Variants in LYST observed in about 807,000 individuals in gnomAD.
LYST encodes the protein lysosomal trafficking regulator.
A neutral mutation model predicts 413.6 loss-of-function variants in LYST; 192 were observed. That is an observed-to-expected ratio of 0.46 (90% CI 0.41 to 0.52). The LOEUF (loss-of-function observed/expected upper bound fraction) is 0.52. Among genes scored for constraint, LYST ranks in the 20% least tolerant of loss-of-function variants. The pLI is 0.00. For missense variants in LYST, 3,815 were observed against 4,499.9 expected, an observed-to-expected ratio of 0.85 and a Z score of 4.35; for synonymous variants, 1,525 against 1,567.3, an observed-to-expected ratio of 0.97 and a Z score of 0.64.
intron 24 of LYST, 56 bp from the exon 25 acceptor site, chr1:235,755,703 T>C (rs1354843157): frequency 7.8e-6 from 7 of 898,208 alleles, no homozygotes; most frequent in Non-Finnish European, 1.1e-5. Flanking sequence ...ATATAATATA[T>C]ACAAATCAGT....
At chr1:235,882,710 G>A (rs1259803777) in intron 1 of LYST, among the ~76,000 whole-genome samples, 1 of 152,176 alleles carries the variant, frequency 6.6e-6, no homozygotes, top group African/African-American at 2.4e-5. Flanking sequence ...AGGCTGAAGG[G>A]TTAGGGAGGG....
At position 235,874,485 on chromosome 1, in the gene LYST, A is replaced by G. The variant is rs530761690; in HGVS notation, n.454+8702T>C. The stretch of plus-strand genomic sequence containing the variant: ...CCTGGGATCATAAAAAGCTTCTTGG[A>G]AAGCAGCCTCTAAACTTGAGACTTA... On this transcript the variant is annotated intron_variant and non_coding_transcript_variant, in intron 1 of 11. Coordinates refer to the LYST transcript ENST00000465349. Among the ~76,000 whole-genome samples the G allele has an allele frequency of 1.5e-3, 228 of 152,344 alleles. 1 individual carries two copies. The highest frequency in any genetic ancestry group is 5.4e-3 in the African/African-American group (223 of 41,584).
chr1:235,789,529 T>A (rs1051779318), intron 12 of LYST, among the ~76,000 whole-genome samples: 22 of 152,164 alleles, frequency 1.4e-4, no homozygotes, highest in Non-Finnish European at 3.1e-4. Context: ...TACATGTGAC[T>A]TTATGTAAAG....
rs777087362 is a variant in LYST, at chr1:235,801,080, C to T, written c.3730G>A (p.Glu1244Lys). The T allele has an allele frequency of 3.1e-6, 5 of 1,609,236 alleles. No homozygotes were observed. The highest frequency in any genetic ancestry group is 1.3e-5 in the African/African-American group (1 of 74,816). ...TQDDGVDLKS[E>K]TEGFSASSSP... ...CTTGATGCACTGAAACCTTCTGTTT[C>T]AGACTTTAAGTCTACCCCTGAAAAG... Residue 1244 changes from glutamate (E) to lysine (K), a missense_variant, in exon 9 of 53, where the codon GAA becomes AAA. Around this residue, in one of 4 missense-constraint regions of LYST, gnomAD observed 1,648 missense variants for 1,810.3 expected, o/e 0.91. Coordinates refer to ENST00000389793, the MANE Select transcript of LYST (RefSeq NM_000081.4).
At chr1:235,847,953 C>T (rs1258484806) in intron 1 of LYST, among the ~76,000 whole-genome samples, 1 of 152,156 alleles carries the variant, frequency 6.6e-6, no homozygotes, top group Non-Finnish European at 1.5e-5. Context: ...GACTTCAATA[C>T]TCCAATGACC....
rs10926571 is a variant in LYST, at chr1:235,747,959, T to C, written c.7781-1432A>G. 6.4e-3 allele frequency among the ~76,000 whole-genome samples: 969 copies of C among 152,276 alleles called. 8 individuals carry two copies. The highest frequency in any genetic ancestry group is 0.022 in the African/African-American group (920 of 41,562). On this transcript the variant is annotated intron_variant, in intron 28 of 52. Coordinates refer to ENST00000389793, the MANE Select transcript of LYST (RefSeq NM_000081.4). ...TATGCTTATTGATCATTTTCCCCAG[T>C]ACAAGTTCCATGAAGACTGATAAAA...
At chr1:235,759,720 T>C (rs1242910196) in intron 22 of LYST, 121 bp from the exon 23 acceptor site, 3 of 727,798 alleles carry the variant, frequency 4.1e-6, no homozygotes, top group East Asian at 5.3e-5. Flanking sequence ...AAAATCCATA[T>C]AGGTTAATTT....
chr1:235,779,303 T>C (rs1187522024), intron 16 of LYST, among the ~76,000 whole-genome samples: 1 of 152,228 alleles, frequency 6.6e-6, no homozygotes, highest in Admixed American at 6.5e-5. Flanking sequence ...TAATTTATGT[T>C]GAGTTTTGTA....
In LYST at chr1:235,766,079, C is replaced by T; in HGVS notation, c.6121G>A (p.Asp2041Asn). The change falls in exon 21 of 53, where the codon GAT becomes AAT. Residue 2041 changes from aspartate (D) to asparagine (N), a missense_variant and splice_region_variant. Asp to Asn is a conservative substitution (Grantham distance 23). Coordinates refer to ENST00000389793, the MANE Select transcript of LYST (RefSeq NM_000081.4). Reference protein sequence around the residue: ...PTNFYFSLHIDGKIFQEKVRS... With the variant: ...PTNFYFSLHINGKIFQEKVRS... The stretch of plus-strand genomic sequence containing the variant: ...ATCTAACAAAAATGATTATACCTAC[C>T]TATGTGCAAAGAAAAGTAGAAGTTC... The T allele has an allele frequency of 6.2e-7, 1 of 1,607,280 alleles. No homozygotes were observed. The highest frequency in any genetic ancestry group is 8.5e-7 in the Non-Finnish European group (1 of 1,173,980).
intron 40 of LYST, 21 bp downstream of exon 40, chr1:235,720,640 G>T (rs1159799044): frequency 6.2e-7 from 1 of 1,611,740 alleles, no homozygotes; most frequent in South Asian, 1.1e-5. Context: ...AACCCTAAAG[G>T]TGATGATTCT....
At chr1:235,831,980 C>T (rs6703642) in intron 2 of LYST, among the ~76,000 whole-genome samples, 77,068 of 151,982 alleles carry the variant, frequency 0.51, 22,974 homozygotes, top group African/African-American at 0.83. Context: ...AAAATTTCCC[C>T]ACAATATCAC....
chr1:235,794,250 T>A lies in LYST; in HGVS notation c.4007-638A>T, dbSNP rs368829690. Among the ~76,000 whole-genome samples, 3 of 152,328 alleles carry A rather than the reference T, an allele frequency of 2.0e-5. No homozygotes were observed. In the South Asian group the frequency reaches 6.2e-4, roughly 32 times the overall value. On this transcript the variant is annotated intron_variant, in intron 10 of 52. Transcript: ENST00000389793. ...CTAATGCTTCTATATCATAAAATAG[T>A]CTGCTATCTTATCTTGAAAATGTTT...
At chr1:235,689,026 T>TAATAATAATAACAAC (rs1202677227) in intron 47 of LYST, among the ~76,000 whole-genome samples, 6 of 92,966 alleles carry the variant, frequency 6.5e-5, no homozygotes, top group Non-Finnish European at 1.6e-4. Context: ...ATAATAATAA[T>TAATAATAATAACAAC]AACAACAACA....
In LYST at chr1:235,733,298, C is replaced by A. The variant is rs7515184; in HGVS notation, c.8801+205G>T. On this transcript the variant is annotated intron_variant, in intron 34 of 52. Coordinates refer to ENST00000389793, the MANE Select transcript of LYST (RefSeq NM_000081.4). ...ATTTTACTATCTAGATGAGCTACTG[C>A]CCCCCTCATTACTTTTCTTCCTCAA... Among the ~76,000 whole-genome samples, 5,642 of 151,712 alleles carry A rather than the reference C, an allele frequency of 0.037. 348 individuals carry two copies. The highest frequency in any genetic ancestry group is 0.13 in the African/African-American group (5,342 of 41,312).
chr1:235,798,513 G>A (rs1488113385), intron 10 of LYST, among the ~76,000 whole-genome samples: 2 of 141,722 alleles, frequency 1.4e-5, no homozygotes, highest in Non-Finnish European at 3.0e-5. Flanking sequence ...GGGAGGTGGA[G>A]GTTGCAGTGA....
intron 50 of LYST, among the ~76,000 whole-genome samples, chr1:235,669,051 A>G (rs967532621): frequency 5.3e-5 from 8 of 152,246 alleles, no homozygotes; most frequent in African/African-American, 1.9e-4. Context: ...AAACCCTAAC[A>G]GGTATCTGTG....
chr1:235,797,609 A>G (rs1021389480), intron 10 of LYST, among the ~76,000 whole-genome samples: 1 of 152,170 alleles, frequency 6.6e-6, no homozygotes, highest in South Asian at 2.1e-4. Flanking sequence ...GTCCTTACCT[A>G]ACACCGTATA....
rs1201767821 is a variant in LYST at position 235,715,237 on chromosome 1, T to A, written c.9748A>T (p.Met3250Leu). The change falls in exon 42 of 53, where the codon ATG (methionine) becomes TTG (leucine). Residue 3250 changes from methionine to leucine, a missense_variant. Around this residue, in one of 4 missense-constraint regions of LYST, gnomAD observed 866 missense variants for 1,156.0 expected, o/e 0.75. Transcript: ENST00000389793. ...AAAAACATTTTAGTGAAAGGAGGCA[T>A]CCTGACCAGGAAGTGAAGCACAGTG... is the stretch of plus-strand genomic sequence containing the variant. ...SGTVLHFLVR[M>L]PPFTKMFLAY... 1 of 1,613,936 alleles carries A rather than the reference T, an allele frequency of 6.2e-7. No homozygotes were observed. Among genetic ancestry groups the A allele is most frequent in the African/African-American group, 1.3e-5 (1 of 74,906 alleles).
rs71583794 is a variant in LYST at position 235,857,784 on chromosome 1, CATAT to C, written c.-98+9055_-98+9058del. ...ACACACACACACACACACACACACA[CATAT>C]ATATATAAAATTTCACAAGCCAAGA... On this transcript the variant is annotated intron_variant, in intron 1 of 52. Transcript: ENST00000389793. Among the ~76,000 whole-genome samples the C allele has an allele frequency of 2.7e-3, 334 of 122,114 alleles. 3 individuals carry two copies. The highest frequency in any genetic ancestry group is 0.017 in the South Asian group (62 of 3,570). 80.1% of individuals were successfully genotyped at this position (122,114 alleles called of 152,430 possible).
Sources: allele counts gnomAD v4.1 joint callset (sites outside exome capture counted in the v4.1 genomes callset), GRCh38; gene constraint gnomAD v4.1.1; regional missense constraint gnomAD v4.1.1; transcripts MANE v1.5; gene names NCBI Gene and HGNC (gene_info 2026-07-23, HGNC 2026-07-21).